RORA: variants seen among roughly 807,000 people sequenced by gnomAD.
RORA encodes nuclear receptor ROR-alpha.
RORA carries 7 observed loss-of-function variants against 69.5 expected under a neutral mutation model. That is an observed-to-expected ratio of 0.10 (90% confidence interval 0.06 to 0.19). RORA has a LOEUF of 0.19. Ranked by LOEUF, RORA falls within the 10% of genes least tolerant of loss-of-function variation. The pLI is 1.00. For missense variants in RORA, 457 were observed against 663.0 expected, an observed-to-expected ratio of 0.69 and a Z score of 3.41; for synonymous variants, 261 against 240.8, an observed-to-expected ratio of 1.08 and a Z score of -0.78.
At chr15:60,880,121 T>C (rs2073662464) in intron 1 of RORA, among the ~76,000 whole-genome samples, 1 of 152,214 alleles carries the variant, frequency 6.6e-6, no homozygotes, top group Admixed American at 6.5e-5. Flanking sequence ...AATTCTTTCT[T>C]CTGACCAATC....
At chr15:60,517,122 T>TTC (rs2065990286) in intron 3 of RORA, among the ~76,000 whole-genome samples, 1 of 151,404 alleles carries the variant, frequency 6.6e-6, no homozygotes. Context: ...TTTTTTTTTT[T>TTC]TCCCCCCTAC....
intron 2 of RORA, among the ~76,000 whole-genome samples, chr15:60,608,490 G>T (rs1233860867): frequency 6.6e-6 from 1 of 152,156 alleles, no homozygotes; most frequent in Non-Finnish European, 1.5e-5. Context: ...CACCGCTGAT[G>T]GTAGAGCTGG....
intron 2 of RORA, among the ~76,000 whole-genome samples, chr15:60,584,775 T>C (rs977367845): frequency 6.6e-6 from 1 of 151,870 alleles, no homozygotes; most frequent in Non-Finnish European, 1.5e-5. Context: ...GAAAATAACA[T>C]TCTGTGAAAA....
At chr15:61,105,080 T>C (rs2078933813) in intron 1 of RORA, among the ~76,000 whole-genome samples, 1 of 151,164 alleles carries the variant, frequency 6.6e-6, no homozygotes. Flanking sequence ...GGTATGTCTT[T>C]GTCAGCAGCA....
At chr15:60,680,459 G>T (rs1032989222) in intron 1 of RORA, among the ~76,000 whole-genome samples, 1 of 151,700 alleles carries the variant, frequency 6.6e-6, no homozygotes, top group Non-Finnish European at 1.5e-5. Flanking sequence ...TTTTCATGAC[G>T]ATTACATTGA....
chr15:60,947,688 T>TAAAAAAAAAA (rs35887206), intron 1 of RORA, among the ~76,000 whole-genome samples: 3 of 102,896 alleles, frequency 2.9e-5, no homozygotes, highest in Non-Finnish European at 3.5e-5. Context: ...GAATGATCAA[T>TAAAAAAAAAA]AAAAAAAAAA....
chr15:61,047,928 C>T (rs554666370), intron 1 of RORA, among the ~76,000 whole-genome samples: 1 of 152,202 alleles, frequency 6.6e-6, no homozygotes, highest in Non-Finnish European at 1.5e-5. Context: ...CAAACCAAGA[C>T]ACTTCTTCCT....
At chr15:60,556,969 A>G (rs200185301) in intron 2 of RORA, 18 of 1,523,184 alleles carry the variant, frequency 1.2e-5, no homozygotes, top group Admixed American at 8.6e-5. Context: ...GGACAAAGAA[A>G]AGATTTATCA....
intron 1 of RORA, among the ~76,000 whole-genome samples, chr15:60,976,158 G>C (rs78992659): frequency 6.6e-6 from 1 of 152,158 alleles, no homozygotes; most frequent in Non-Finnish European, 1.5e-5. Context: ...CCGTGGCTCG[G>C]AGTGCGTGGG....
chr15:60,626,108 C>T (rs1397236805), intron 2 of RORA, among the ~76,000 whole-genome samples: 19 of 152,186 alleles, frequency 1.2e-4, no homozygotes, highest in Non-Finnish European at 1.8e-4. Context: ...TGTTAGCTCA[C>T]GACTATTTCC....
rs117009439 is a variant in RORA at position 61,125,805 on chromosome 15, G to T, written c.166+103248C>A. Among the ~76,000 whole-genome samples the T allele has an allele frequency of 1.9e-3, 292 of 152,232 alleles. 1 individual carries two copies. Among genetic ancestry groups the T allele is most frequent in the South Asian group, 6.8e-3 (33 of 4,824 alleles). ...CAAAGCCCTAATATCAAATGCTTTT[G>T]ATTTGAATAAAATCGGTTCCATTAG... On this transcript the variant is annotated intron_variant, in intron 1 of 10. Coordinates refer to ENST00000335670, the MANE Select transcript of RORA (RefSeq NM_134261.3).
intron 1 of RORA, among the ~76,000 whole-genome samples, chr15:61,174,345 G>A (rs1248878807): frequency 2.0e-5 from 3 of 152,160 alleles, no homozygotes; most frequent in Admixed American, 6.5e-5. Flanking sequence ...AGTTAGGCTG[G>A]TTCTTACTAA....
intron 1 of RORA, among the ~76,000 whole-genome samples, chr15:60,801,720 G>A (rs1317193703): frequency 1.3e-5 from 2 of 152,222 alleles, no homozygotes; most frequent in Non-Finnish European, 2.9e-5. Context: ...ACCCCACAAA[G>A]AAAACTCACG....
chr15:60,677,677 A>G (rs1258093157), intron 2 of RORA, among the ~76,000 whole-genome samples: 1 of 151,914 alleles, frequency 6.6e-6, no homozygotes, highest in Non-Finnish European at 1.5e-5. Flanking sequence ...CACAAGATAA[A>G]CTACTTTGAT....
intron 1 of RORA, among the ~76,000 whole-genome samples, chr15:61,068,412 T>C (rs966189766): frequency 1.3e-5 from 2 of 152,238 alleles, no homozygotes. Flanking sequence ...CATGAGAGTG[T>C]TTCCTCTGAT....
intron 1 of RORA, among the ~76,000 whole-genome samples, chr15:60,778,364 C>T (rs555239794): frequency 6.6e-6 from 1 of 152,224 alleles, no homozygotes; most frequent in South Asian, 2.1e-4. Flanking sequence ...GGGCACCCCC[C>T]ACTGAGTTCC....
At chr15:60,791,627 T>G (rs1003571020) in intron 1 of RORA, among the ~76,000 whole-genome samples, 2 of 152,212 alleles carry the variant, frequency 1.3e-5, no homozygotes, top group Non-Finnish European at 2.9e-5. Context: ...GGCAGCAAGC[T>G]GCAAAATCTA....
chr15:60,957,659 A>T (rs1198439094), intron 1 of RORA, among the ~76,000 whole-genome samples: 1 of 152,316 alleles, frequency 6.6e-6, no homozygotes, highest in East Asian at 1.9e-4. Flanking sequence ...AAATAGCCTG[A>T]CTGGAGGTCA....
chr15:60,787,237 G>A (rs931981910), intron 1 of RORA, among the ~76,000 whole-genome samples: 4 of 152,220 alleles, frequency 2.6e-5, no homozygotes, highest in African/African-American at 2.4e-5. Flanking sequence ...CACCAAGCCT[G>A]CGAGCTCAAG....
Sources: gnomAD v4.1 joint callset for allele counts (sites outside exome capture counted in the v4.1 genomes callset) on GRCh38, gnomAD v4.1.1 for gene constraint, MANE v1.5 for transcripts, NCBI Gene and HGNC (gene_info 2026-07-23, HGNC 2026-07-21) for gene names.